GGA3: variants seen among roughly 807,000 people sequenced by gnomAD.
GGA3 encodes the protein golgi associated, gamma adaptin ear containing, ARF binding protein 3.
Under a neutral mutation model 77.5 loss-of-function variants are expected in GGA3, and 57 were observed. The observed-to-expected ratio is 0.74, with a 90% confidence interval of 0.59 to 0.92. The LOEUF (loss-of-function observed/expected upper bound fraction) is 0.92, where lower values mean the gene tolerates loss of function less well. GGA3 is among the 40% of genes least tolerant of loss of function. The probability of loss-of-function intolerance (pLI) is 0.00; values close to 1 mark genes in which losing one functional copy is unlikely to be tolerated. For synonymous variants in GGA3, 416 were observed against 383.7 expected (o/e 1.08, Z -0.98); for missense variants, 970 against 914.9 (o/e 1.06, Z -0.78).
At position 75,237,532 on chromosome 17, in the gene GGA3, T is replaced by C; in HGVS notation, c.*747A>G. The C allele has an allele frequency of 6.5e-7, 1 of 1,536,008 alleles. No individual in the cohort carries two copies. Among genetic ancestry groups the C allele is most frequent in the Non-Finnish European group, 8.7e-7 (1 of 1,146,816 alleles). ...TTTCCCAGAAAGCTGAGTACCTGCTTCTGGAGAAGGGGAAATACTGGCTCT... is the reference window on the plus strand; with the variant it reads ...TTTCCCAGAAAGCTGAGTACCTGCTCCTGGAGAAGGGGAAATACTGGCTCT... On this transcript the variant is annotated 3_prime_UTR_variant, in exon 17 of 17. Transcript: ENST00000537686.
intron 11 of GGA3, 28 bp downstream of exon 11, chr17:75,240,784 T>A (rs752949712): frequency 1.9e-5 from 30 of 1,584,752 alleles, no homozygotes; most frequent in Non-Finnish European, 2.6e-5. Context: ...TGTCAGGGGA[T>A]GCCCCTGACG....
In GGA3 at chr17:75,237,176, G is replaced by C; in HGVS notation, c.*1103C>G. The C allele has an allele frequency of 2.0e-6, 1 of 495,306 alleles. No individual in the cohort carries two copies. Among genetic ancestry groups the C allele is most frequent in the Non-Finnish European group, 3.6e-6 (1 of 275,052 alleles). The allele number at this position is 495,306 out of a possible 1,614,324, so 30.7% of individuals were successfully genotyped here. A position where few individuals can be genotyped will look rare whatever the true frequency, so the allele number is the denominator to read the frequency against. ...CTGGCGGGGGCCAAGCACTGTTGAA[G>C]CAATAGGGTCTGGTGACTCAGCTCA... On this transcript the variant is annotated 3_prime_UTR_variant, in exon 17 of 17. Transcript: ENST00000537686.
At chr17:75,259,907 T>C (rs2145614648) in intron 1 of GGA3, among the ~76,000 whole-genome samples, 1 of 152,236 alleles carries the variant, frequency 6.6e-6, no homozygotes, top group East Asian at 1.9e-4. Flanking sequence ...CCCAGCGCTT[T>C]GTAAGGGAAA....
At chr17:75,244,906 C>T (rs1331158588) in intron 3 of GGA3, among the ~76,000 whole-genome samples, 189 bp from the exon 4 acceptor site, 1 of 152,126 alleles carries the variant, frequency 6.6e-6, no homozygotes, top group African/African-American at 2.4e-5. Flanking sequence ...AGACCATGTC[C>T]CTCCAACTGC....
At chr17:75,240,217 C>A in intron 12 of GGA3, 109 bp from the exon 13 acceptor site, 1 of 1,154,774 alleles carries the variant, frequency 8.7e-7, no homozygotes, top group South Asian at 1.4e-5. Flanking sequence ...CGGAGGCACT[C>A]ATTGTTCCCC....
rs2076647848 is a variant in GGA3, at chr17:75,243,490, T to C, written c.381A>G (p.Glu127=). 1 of 1,614,114 alleles carries C rather than the reference T, an allele frequency of 6.2e-7. No homozygotes were observed. Among genetic ancestry groups the C allele is most frequent in the Non-Finnish European group, 8.5e-7 (1 of 1,180,050 alleles). Residue 127 remains glutamate, a synonymous_variant, in exon 5 of 17, where the codon GAA becomes GAG. Transcript: ENST00000537686. ...GGTAGGCGTCTTTGATCTTTGCTTCTTCTGGCAGGGCCATGGTCCAGCTGT... is the reference window on the plus strand; with the variant it reads ...GGTAGGCGTCTTTGATCTTTGCTTCCTCTGGCAGGGCCATGGTCCAGCTGT... ...LLYSWTMALP[E]EAKIKDAYHM... is the part of the protein sequence containing the mutation.
intron 1 of GGA3, among the ~76,000 whole-genome samples, chr17:75,259,860 T>C (rs993763371): frequency 1.3e-5 from 2 of 152,176 alleles, no homozygotes; most frequent in African/African-American, 4.8e-5. Flanking sequence ...TTTCATAATG[T>C]GACTCTAGGC....
rs760309497 is a variant in GGA3 at position 75,238,232 on chromosome 17, G to A, written c.*47C>T. ...CGGGACCAGAGCCCTCCTCGTCTCA[G>A]GGCAGCCTGCCTGGCTTCAAGGTGG... On this transcript the variant is annotated 3_prime_UTR_variant, in exon 17 of 17. Transcript: ENST00000537686. 6.2e-7 allele frequency: 1 copy of A among 1,601,440 alleles called. No individual in the cohort carries two copies. The highest frequency in any genetic ancestry group is 8.5e-7 in the Non-Finnish European group (1 of 1,172,252).
chr17:75,260,899 T>C (rs2077339218), intron 1 of GGA3, among the ~76,000 whole-genome samples: 1 of 151,576 alleles, frequency 6.6e-6, no homozygotes, highest in Non-Finnish European at 1.5e-5. Context: ...CGTTAGGATA[T>C]TCAAGGGGGT....
rs748522310 is a variant in GGA3 at position 75,246,591 on chromosome 17, G to C, written c.126-7C>G. 8.7e-6 allele frequency: 14 copies of C among 1,613,218 alleles called. No homozygotes were observed. Among genetic ancestry groups the C allele is most frequent in the Non-Finnish European group, 1.1e-5 (13 of 1,179,182 alleles). On this transcript the variant is annotated splice_region_variant and splice_polypyrimidine_tract_variant and intron_variant, in intron 2 of 16. Transcript: ENST00000537686. ...TCGGACGGCGATCTGTGGCCTGGGG[G>C]ACAAGCAGAACACACTCCAGTGCAC...
At chr17:75,243,382 C>T (rs2076642769) in intron 5 of GGA3, 65 bp downstream of exon 5, 4 of 1,599,920 alleles carry the variant, frequency 2.5e-6, no homozygotes, top group Middle Eastern at 3.7e-4. Flanking sequence ...CAAACCTTCC[C>T]TTCTCTCCTT....
Position 75,239,820 on chromosome 17 carries a change from C to T in GGA3, c.1552G>A (p.Ala518Thr), listed in dbSNP as rs1227081920. 3 of 1,613,782 alleles carry T rather than the reference C, an allele frequency of 1.9e-6. No homozygotes were observed. The highest frequency in any genetic ancestry group is 2.5e-6 in the Non-Finnish European group (3 of 1,180,038). Residue 518 changes from alanine (A) to threonine (T), a missense_variant, in exon 13 of 17, where the codon GCC (alanine) becomes ACC (threonine). Coordinates refer to ENST00000537686, the MANE Select transcript of GGA3 (RefSeq NM_138619.4). ...GCCTCTTCTAGAAGCTGATCGAGGG[C>T]ATCCAGGTGGTGCAGCGCGCTGTTG... ...LGNSALHHLDALDQLLEEAKV... is the reference protein window; with the variant it reads ...LGNSALHHLDTLDQLLEEAKV...
At chr17:75,253,362 G>GC (rs1209906247) in intron 1 of GGA3, among the ~76,000 whole-genome samples, 1 of 152,158 alleles carries the variant, frequency 6.6e-6, no homozygotes, top group Non-Finnish European at 1.5e-5. Flanking sequence ...AAACTCTGGC[G>GC]CTGGTCACAG....
intron 8 of GGA3, 47 bp downstream of exon 8, chr17:75,242,289 A>G (rs1268619448): frequency 6.2e-7 from 1 of 1,606,686 alleles, no homozygotes; most frequent in Non-Finnish European, 8.5e-7. Context: ...GAGCTCCTGA[A>G]GGGCAGCGCA....
At chr17:75,257,503 A>G (rs1348900554) in intron 1 of GGA3, among the ~76,000 whole-genome samples, 1 of 152,064 alleles carries the variant, frequency 6.6e-6, no homozygotes. Context: ...ACTATGCTGA[A>G]TCTCCTTAGG....
At chr17:75,251,814 C>G (rs1257642880) in intron 1 of GGA3, among the ~76,000 whole-genome samples, 1 of 150,834 alleles carries the variant, frequency 6.6e-6, no homozygotes, top group Non-Finnish European at 1.5e-5. Flanking sequence ...CTCTGTCACT[C>G]AGGCAAGAGT....
At position 75,245,744 on chromosome 17, in the gene GGA3, T is replaced by C. The variant is rs1337279392; in HGVS notation, c.201+765A>G. On this transcript the variant is annotated intron_variant, in intron 3 of 16. Transcript: ENST00000537686. ...CTCACTACGTTGCCTAGGCTGGTCT[T>C]GAATTCCCTTAAGCGATCCTCCCGG... 2.0e-5 allele frequency among the ~76,000 whole-genome samples: 3 copies of C among 152,310 alleles called. No individual in the cohort carries two copies. The East Asian group carries it at 5.8e-4, about 29-fold the overall frequency.
intron 10 of GGA3, 22 bp downstream of exon 10, chr17:75,241,378 G>A (rs758433214): frequency 1.4e-6 from 2 of 1,472,040 alleles, no homozygotes; most frequent in South Asian, 1.1e-5. Context: ...GGAGCCTAGA[G>A]TTGGGGACCA....
intron 1 of GGA3, among the ~76,000 whole-genome samples, chr17:75,259,020 C>G (rs1286460096): frequency 1.3e-5 from 2 of 150,670 alleles, no homozygotes; most frequent in Non-Finnish European, 3.0e-5. Flanking sequence ...GTGGCACAAT[C>G]CCAGCTCACT....
Sources: gnomAD v4.1 joint callset for allele counts (sites outside exome capture counted in the v4.1 genomes callset) on GRCh38, gnomAD v4.1.1 for gene constraint, MANE v1.5 for transcripts, NCBI Gene and HGNC (gene_info 2026-07-23, HGNC 2026-07-21) for gene names.